Variants in PXDNL observed in about 807,000 individuals in gnomAD.
PXDNL encodes probable oxidoreductase PXDNL.
PXDNL carries 145 observed loss-of-function variants against 150.8 expected under a neutral mutation model. The ratio of observed to expected loss-of-function variants is 0.96; its 90% CI spans 0.84 to 1.10. The LOEUF (loss-of-function observed/expected upper bound fraction) is 1.10. Among genes scored for constraint, PXDNL ranks in the 50% least tolerant of loss-of-function variants. PXDNL has a pLI of 0.00. For missense variants in PXDNL, 2,087 were observed against 1,873.9 expected (o/e 1.11, Z -2.10); for synonymous variants, 757 against 725.7 (o/e 1.04, Z -0.69).
chr8:51,567,228 C>A (rs1220288177), intron 3 of PXDNL, among the ~76,000 whole-genome samples: 1 of 151,554 alleles, frequency 6.6e-6, no homozygotes, highest in African/African-American at 2.4e-5. Flanking sequence ...TCTATGTGAG[C>A]TTGAGAAGAC....
chr8:51,480,944 A>G (rs1283523251), intron 6 of PXDNL, among the ~76,000 whole-genome samples: 2 of 152,222 alleles, frequency 1.3e-5, no homozygotes, highest in Non-Finnish European at 2.9e-5. Context: ...CAGTATAAGA[A>G]CAGACTAATA....
At chr8:51,656,157 T>C (rs1815145690) in intron 1 of PXDNL, among the ~76,000 whole-genome samples, 1 of 152,164 alleles carries the variant, frequency 6.6e-6, no homozygotes, top group African/African-American at 2.4e-5. Flanking sequence ...TCAATTAATT[T>C]CTCAAAACAA....
At chr8:51,725,994 C>T (rs961361229) in intron 1 of PXDNL, among the ~76,000 whole-genome samples, 2 of 152,246 alleles carry the variant, frequency 1.3e-5, no homozygotes, top group African/African-American at 2.4e-5. Flanking sequence ...GATAAAATCA[C>T]TTCAGTCTCT....
rs571721584 is a variant in PXDNL, at chr8:51,762,707, T to C, written c.164+46474A>G. The stretch of plus-strand genomic sequence containing the variant: ...ATTGATGTCTCATGTCTTCCTAAGA[T>C]ATATGAAACAAAGAGGTACCCCGAC... On this transcript the variant is annotated intron_variant, in intron 1 of 22. Transcript: ENST00000356297. Among the ~76,000 whole-genome samples the C allele has an allele frequency of 2.6e-5, 4 of 152,302 alleles. No homozygotes were observed. The South Asian group carries it at 8.3e-4, about 32-fold the overall frequency.
chr8:51,750,610 C>T (rs1286379044), intron 1 of PXDNL, among the ~76,000 whole-genome samples: 1 of 152,124 alleles, frequency 6.6e-6, no homozygotes, highest in Admixed American at 6.5e-5. Flanking sequence ...TCAGTGTAAA[C>T]CCAGGATAAC....
intron 1 of PXDNL, among the ~76,000 whole-genome samples, chr8:51,693,502 G>A (rs1176604715): frequency 2.0e-5 from 3 of 152,172 alleles, no homozygotes; most frequent in African/African-American, 4.8e-5. Flanking sequence ...GGCCAGGCAC[G>A]ATGGCTCACA....
At chr8:51,439,407 C>CA (rs1809487384) in intron 12 of PXDNL, among the ~76,000 whole-genome samples, 2 of 151,418 alleles carry the variant, frequency 1.3e-5, no homozygotes, top group Non-Finnish European at 2.9e-5. Flanking sequence ...TGGCCATAAT[C>CA]AAAAAAATAA....
chr8:51,696,490 T>G (rs75644938), intron 1 of PXDNL, among the ~76,000 whole-genome samples: 5,324 of 152,306 alleles, frequency 0.035, 295 homozygotes, highest in African/African-American at 0.12. Flanking sequence ...GTCTTTGTTA[T>G]GGCAGCCCTC....
At chr8:51,588,478 A>T (rs1446344415) in intron 3 of PXDNL, among the ~76,000 whole-genome samples, 1 of 152,192 alleles carries the variant, frequency 6.6e-6, no homozygotes, top group Non-Finnish European at 1.5e-5. Flanking sequence ...TGGCCAGAGC[A>T]TTGATTAGAA....
At chr8:51,554,815 T>C (rs1009453552) in intron 4 of PXDNL, among the ~76,000 whole-genome samples, 1 of 152,184 alleles carries the variant, frequency 6.6e-6, no homozygotes, top group Non-Finnish European at 1.5e-5. Flanking sequence ...TTTCTGATCA[T>C]AGCTACTTAA....
At chr8:51,323,293 GT>G (rs1805383309) in intron 21 of PXDNL, among the ~76,000 whole-genome samples, 1 of 151,954 alleles carries the variant, frequency 6.6e-6, no homozygotes, top group Non-Finnish European at 1.5e-5. Flanking sequence ...GTTTTGTTTT[GT>G]TTTTTGAGAC....
chr8:51,635,032 G>A (rs1395397879), intron 2 of PXDNL, among the ~76,000 whole-genome samples: 2 of 152,098 alleles, frequency 1.3e-5, no homozygotes, highest in Non-Finnish European at 2.9e-5. Context: ...GGGGTGGTGA[G>A]AGTAGGTATC....
intron 1 of PXDNL, among the ~76,000 whole-genome samples, chr8:51,743,145 T>C (rs1371216538): frequency 1.3e-5 from 2 of 152,158 alleles, no homozygotes; most frequent in Non-Finnish European, 2.9e-5. Flanking sequence ...CCTTTAAAAG[T>C]ACACTACCTG....
chr8:51,741,227 T>G (rs4410894), intron 1 of PXDNL, among the ~76,000 whole-genome samples: 145,945 of 152,236 alleles, frequency 0.96, 70,264 homozygotes, highest in East Asian at 1. Context: ...ATGTGTCCAG[T>G]AATTTATCAA....
intron 1 of PXDNL, among the ~76,000 whole-genome samples, chr8:51,776,029 GT>G (rs2037349364): frequency 6.6e-6 from 1 of 152,218 alleles, no homozygotes; most frequent in Admixed American, 6.5e-5. Flanking sequence ...GTCTTTTACA[GT>G]TGTGTAAGGA....
intron 1 of PXDNL, among the ~76,000 whole-genome samples, chr8:51,658,344 GAAA>G (rs34771782): frequency 1.4e-4 from 13 of 94,232 alleles, no homozygotes; most frequent in African/African-American, 4.5e-4. Flanking sequence ...CCTGTCTCAA[GAAA>G]AAAAAAAAAA....
intron 2 of PXDNL, among the ~76,000 whole-genome samples, chr8:51,628,399 C>CGTTTTTT (rs1814409607): frequency 1.4e-5 from 1 of 69,748 alleles, no homozygotes; most frequent in African/African-American, 5.9e-5. Context: ...CTTTTCTTTT[C>CGTTTTTT]TTTTTTTTTT....
At chr8:51,439,627 C>G (rs777260002) in intron 12 of PXDNL, among the ~76,000 whole-genome samples, 1 of 151,944 alleles carries the variant, frequency 6.6e-6, no homozygotes, top group Non-Finnish European at 1.5e-5. Context: ...GAGTTCAAGA[C>G]CAGCCTGGCC....
chr8:51,673,602 C>A (rs1815545875), intron 1 of PXDNL, among the ~76,000 whole-genome samples: 3 of 152,250 alleles, frequency 2.0e-5, no homozygotes, highest in African/African-American at 7.2e-5. Flanking sequence ...TGACTATGGG[C>A]ATTTTGATAA....
Sources: allele counts gnomAD v4.1 joint callset (sites outside exome capture counted in the v4.1 genomes callset), GRCh38; gene constraint gnomAD v4.1.1; transcripts MANE v1.5; gene names NCBI Gene and HGNC (gene_info 2026-07-23, HGNC 2026-07-21).